DOK6: variants seen among roughly 807,000 people sequenced by gnomAD.
DOK6 encodes docking protein 6, also known as downstream of tyrosine kinase 6.
In DOK6, 22 loss-of-function variants were observed where a neutral mutation model predicts 44.0. That is an observed-to-expected ratio of 0.50 (90% confidence interval 0.36 to 0.71). The LOEUF is 0.71. Ranked by LOEUF, DOK6 falls within the 30% of genes least tolerant of loss-of-function variation. The probability of loss-of-function intolerance (pLI) is 0.00; values close to 1 mark genes in which losing one functional copy is unlikely to be tolerated. For missense variants in DOK6, 340 were observed against 416.4 expected, an observed-to-expected ratio of 0.82 and a Z score of 1.60; for synonymous variants, 166 against 145.5, an observed-to-expected ratio of 1.14 and a Z score of -1.01.
At chr18:69,515,595 A>G (rs1256000528) in intron 1 of DOK6, among the ~76,000 whole-genome samples, 1 of 152,242 alleles carries the variant, frequency 6.6e-6, no homozygotes, top group Non-Finnish European at 1.5e-5. Flanking sequence ...AGAAACAAAA[A>G]TAGAATAGAC....
chr18:69,701,365 T>C (rs143286627), intron 5 of DOK6, among the ~76,000 whole-genome samples: 90 of 152,334 alleles, frequency 5.9e-4, no homozygotes, highest in African/African-American at 2.1e-3. Context: ...ATTTTAAAGG[T>C]AGAAACAACC....
At chr18:69,754,508 TGA>T (rs1979292293) in intron 6 of DOK6, among the ~76,000 whole-genome samples, 2 of 152,164 alleles carry the variant, frequency 1.3e-5, no homozygotes, top group Non-Finnish European at 2.9e-5. Context: ...AGATTCCCCA[TGA>T]GAGTACTCAT....
At position 69,843,286 on chromosome 18, in the gene DOK6, G is replaced by A. The variant is rs180864058; in HGVS notation, c.*1903G>A. 6 of 152,370 alleles carry A rather than the reference G, an allele frequency of 3.9e-5. No individual in the cohort carries two copies. The East Asian group carries it at 5.8e-4, about 15-fold the overall frequency. The allele number at this position is 152,370 out of a possible 1,614,324, so 9.4% of individuals were successfully genotyped here. A position where few individuals can be genotyped will look rare whatever the true frequency, so the allele number is the denominator to read the frequency against. ...GATGACTGGTTCCTACAACTGTACA[G>A]CCTTCCTTGAAATCATAGCTTTTGG... On this transcript the variant is annotated 3_prime_UTR_variant, in exon 8 of 8. Transcript: ENST00000382713.
At chr18:69,585,529 A>T (rs1983478605) in intron 2 of DOK6, among the ~76,000 whole-genome samples, 1 of 152,218 alleles carries the variant, frequency 6.6e-6, no homozygotes, top group African/African-American at 2.4e-5. Context: ...TTAATTTCAT[A>T]TAACTTCCAT....
intron 3 of DOK6, among the ~76,000 whole-genome samples, chr18:69,603,747 G>A (rs960469149): frequency 7.0e-6 from 1 of 142,412 alleles, no homozygotes; most frequent in Non-Finnish European, 1.5e-5. Context: ...CTCCAGCCTG[G>A]GCGACAGAGC....
intron 7 of DOK6, among the ~76,000 whole-genome samples, chr18:69,812,968 T>G (rs1362946516): frequency 2.6e-5 from 4 of 152,034 alleles, no homozygotes; most frequent in Non-Finnish European, 4.4e-5. Flanking sequence ...GAGATTTGGG[T>G]GGGGACACAA....
chr18:69,697,440 C>CA (rs1276441491), intron 4 of DOK6, among the ~76,000 whole-genome samples: 1 of 151,970 alleles, frequency 6.6e-6, no homozygotes, highest in Non-Finnish European at 1.5e-5. Context: ...TGTAATTCTT[C>CA]AATTCTTGCA....
intron 1 of DOK6, among the ~76,000 whole-genome samples, chr18:69,438,897 C>G (rs1210571777): frequency 2.0e-5 from 3 of 152,004 alleles, no homozygotes; most frequent in Non-Finnish European, 4.4e-5. Flanking sequence ...ATGGTGAAAC[C>G]TTGTTTCTAC....
intron 1 of DOK6, among the ~76,000 whole-genome samples, chr18:69,420,486 A>T (rs1368660819): frequency 1.3e-5 from 2 of 151,818 alleles, no homozygotes; most frequent in South Asian, 2.1e-4. Context: ...TTATTTATTT[A>T]TTTATTTTTA....
chr18:69,621,247 C>A (rs537356669), intron 3 of DOK6, among the ~76,000 whole-genome samples: 136 of 152,252 alleles, frequency 8.9e-4, no homozygotes, highest in African/African-American at 3.1e-3. Flanking sequence ...TGACTATTTC[C>A]GTAAGGCTTT....
chr18:69,711,318 G>A (rs1321781662), intron 5 of DOK6, among the ~76,000 whole-genome samples: 2 of 152,084 alleles, frequency 1.3e-5, no homozygotes, highest in South Asian at 2.1e-4. Context: ...CGATGATAGT[G>A]GAATCTTTTA....
chr18:69,497,416 C>T (rs1268522699), intron 1 of DOK6, among the ~76,000 whole-genome samples: 1 of 152,110 alleles, frequency 6.6e-6, no homozygotes, highest in Non-Finnish European at 1.5e-5. Context: ...CCCAATGCCA[C>T]GTTTCACAAG....
At chr18:69,773,597 A>G (rs1365406358) in intron 7 of DOK6, among the ~76,000 whole-genome samples, 2 of 152,058 alleles carry the variant, frequency 1.3e-5, no homozygotes, top group Non-Finnish European at 2.9e-5. Flanking sequence ...AGAAGGACAA[A>G]TATTACATAA....
chr18:69,663,455 G>A (rs1039113413), intron 3 of DOK6: 2 of 151,662 alleles, frequency 1.3e-5, no homozygotes, highest in African/African-American at 4.8e-5. Flanking sequence ...CAAGTCAGTT[G>A]ACCACAGAAA....
intron 3 of DOK6, among the ~76,000 whole-genome samples, chr18:69,665,802 A>ATT (rs199783517): frequency 2.1e-5 from 3 of 146,024 alleles, no homozygotes; most frequent in East Asian, 2.0e-4. Flanking sequence ...CACAGTTTTG[A>ATT]TTTTTTTTTT....
chr18:69,613,575 G>C (rs954379831), intron 3 of DOK6, among the ~76,000 whole-genome samples: 1 of 152,012 alleles, frequency 6.6e-6, no homozygotes, highest in Non-Finnish European at 1.5e-5. Flanking sequence ...CCTTTCCTAT[G>C]AGCGGTTCTA....
intron 5 of DOK6, among the ~76,000 whole-genome samples, chr18:69,705,348 T>A (rs535730894): frequency 2.6e-5 from 4 of 152,302 alleles, no homozygotes; most frequent in Non-Finnish European, 5.9e-5. Flanking sequence ...CAAGGAAGTG[T>A]TTTCTTGGTT....
chr18:69,467,542 A>C (rs1448432249), intron 1 of DOK6, among the ~76,000 whole-genome samples: 2 of 152,194 alleles, frequency 1.3e-5, no homozygotes, highest in African/African-American at 4.8e-5. Context: ...ATCCAAGGAA[A>C]TACAACTTGC....
chr18:69,411,454 G>A (rs753867820), intron 1 of DOK6, among the ~76,000 whole-genome samples: 7 of 152,120 alleles, frequency 4.6e-5, no homozygotes, highest in African/African-American at 1.2e-4. Flanking sequence ...GCTTCCACAG[G>A]CTAGCCAGGA....
Sources: gnomAD v4.1 joint callset for allele counts (sites outside exome capture counted in the v4.1 genomes callset) on GRCh38, gnomAD v4.1.1 for gene constraint, MANE v1.5 for transcripts, NCBI Gene and HGNC (gene_info 2026-07-23, HGNC 2026-07-21) for gene names.